ACAP1: variants seen among roughly 807,000 people sequenced by gnomAD.
ACAP1 encodes arf-GAP with coiled-coil, ANK repeat and PH domain-containing protein 1.
ACAP1 carries 45 observed loss-of-function variants against 98.8 expected under a neutral mutation model. The observed-to-expected ratio is 0.46, with a 90% CI of 0.36 to 0.58. The LOEUF (loss-of-function observed/expected upper bound fraction) is 0.58, where lower values mean the gene tolerates loss of function less well. ACAP1 is among the 20% of genes least tolerant of loss of function. The pLI is 0.00. For synonymous variants in ACAP1, 362 were observed against 375.3 expected (o/e 0.96, Z 0.41); for missense variants, 735 against 971.4 (o/e 0.76, Z 3.24).
chr17:7,341,516 A>G (rs1243845451), intron 2 of ACAP1, among the ~76,000 whole-genome samples: 1 of 152,200 alleles, frequency 6.6e-6, no homozygotes, highest in African/African-American at 2.4e-5. Flanking sequence ...GGTTGGGATT[A>G]CAGGTGTGAG....
chr17:7,351,204 A>T, intron 21 of ACAP1, 91 bp from the exon 22 acceptor site: 1 of 1,217,776 alleles, frequency 8.2e-7, no homozygotes, highest in South Asian at 1.4e-5. Flanking sequence ...CCAGGCTCGG[A>T]GCGCGAGGTC....
Position 7,346,023 on chromosome 17 carries a change from G to A in ACAP1, c.855-221G>A, listed in dbSNP as rs1376477710. ...TTTTACTGCCATCTGCTGGAAAGTT[G>A]TCTTCATAACTATATGAAATCTGGG... On this transcript the variant is annotated intron_variant, in intron 10 of 21. Transcript: ENST00000158762. 4 of 539,624 alleles carry A rather than the reference G, an allele frequency of 7.4e-6. No homozygotes were observed. In the African/African-American group the frequency reaches 7.6e-5, roughly 10 times the overall value. The allele number at this position is 539,624 out of a possible 1,614,324, so 33.4% of individuals were successfully genotyped here. A position where few individuals can be genotyped will look rare whatever the true frequency, so the allele number is the denominator to read the frequency against.
At chr17:7,346,564 C>A in intron 12 of ACAP1, 73 bp downstream of exon 12, 1 of 1,343,112 alleles carries the variant, frequency 7.4e-7, no homozygotes, top group Non-Finnish European at 1.0e-6. Context: ...GGGCCCACCA[C>A]AATGGAGGCC....
chr17:7,350,318 C>T lies in ACAP1; in HGVS notation c.2072+81C>T. The T allele has an allele frequency of 7.0e-6, 8 of 1,137,242 alleles. No individual in the cohort carries two copies. The highest frequency in any genetic ancestry group is 1.0e-5 in the Non-Finnish European group (8 of 790,930). 70.4% of individuals were successfully genotyped at this position (1,137,242 alleles called of 1,614,324 possible). ...CCCACGTTCGGGCGGGCGGGCGGGG[C>T]TGACGCCGAAACAGAAGCCTGTGCT... On this transcript the variant is annotated intron_variant, in intron 20 of 21. Coordinates refer to ENST00000158762, the MANE Select transcript of ACAP1 (RefSeq NM_014716.4). The surrounding 1 kb of genome is among the most constrained non-coding windows in gnomAD (Gnocchi z 4.6).
chr17:7,346,596 A>G, intron 12 of ACAP1, 105 bp downstream of exon 12: 1 of 1,237,608 alleles, frequency 8.1e-7, no homozygotes, highest in East Asian at 2.3e-5. Context: ...TCCAGACTTT[A>G]ATTTAATTCT....
intron 17 of ACAP1, 139 bp downstream of exon 17, chr17:7,348,614 T>A (rs2073371608): frequency 3.1e-6 from 3 of 961,054 alleles, no homozygotes; most frequent in Non-Finnish European, 4.4e-6. Context: ...TTTCAGGGGT[T>A]ACGGTGGAGT....
intron 1 of ACAP1, 46 bp downstream of exon 1, chr17:7,336,833 A>G: frequency 1.3e-6 from 2 of 1,588,254 alleles, no homozygotes; most frequent in Non-Finnish European, 1.7e-6. Context: ...AAAGTCTAAC[A>G]CCCCCAGCAC....
chr17:7,343,085 C>CA lies in ACAP1; in HGVS notation c.345-289dup, dbSNP rs1473760794. The stretch of plus-strand genomic sequence containing the variant: ...ACAGAGCAAGACCCGGTCTCAAAAA[C>CA]AAAAACAACAACAACAACAAAAATT... On this transcript the variant is annotated intron_variant, in intron 5 of 21. Transcript: ENST00000158762. The surrounding 1 kb of genome is among the most constrained non-coding windows in gnomAD (Gnocchi z 4.9). 4 of 327,198 alleles carry CA rather than the reference C, an allele frequency of 1.2e-5. No individual in the cohort carries two copies. Among genetic ancestry groups the CA allele is most frequent in the African/African-American group, 2.1e-5 (1 of 46,860 alleles). 20.3% of individuals were successfully genotyped at this position (327,198 alleles called of 1,614,324 possible).
At chr17:7,351,029 G>C in intron 21 of ACAP1, 30 bp downstream of exon 21, 1 of 1,609,398 alleles carries the variant, frequency 6.2e-7, no homozygotes, top group Non-Finnish European at 8.5e-7. Flanking sequence ...CACCCCCCAG[G>C]CCCAACACCT....
intron 2 of ACAP1, among the ~76,000 whole-genome samples, chr17:7,338,668 T>C (rs890087842): frequency 6.6e-6 from 1 of 152,004 alleles, no homozygotes; most frequent in African/African-American, 2.4e-5. Context: ...ACCTCCCCAG[T>C]AGCTGTGCTA....
Position 7,348,188 on chromosome 17 carries a change from T to C in ACAP1, c.1475T>C (p.Met492Thr), listed in dbSNP as rs769462939. 7 of 1,614,048 alleles carry C rather than the reference T, an allele frequency of 4.3e-6. No homozygotes were observed. The highest frequency in any genetic ancestry group is 3.3e-5 in the Admixed American group (2 of 60,010). Residue 492 changes from methionine (M) to threonine (T), a missense_variant, in exon 16 of 22, where the codon ATG becomes ACG. Transcript: ENST00000158762. ...NQIYEARVEA[M>T]AVKKPGPSCS... The stretch of plus-strand genomic sequence containing the variant: ...ATCTATGAGGCCCGCGTGGAGGCCA[T>C]GGCAGTGAAGAAACCAGGGCCCAGC...
intron 18 of ACAP1, chr17:7,349,375 G>A (rs2073379652): frequency 1.9e-6 from 1 of 540,172 alleles, no homozygotes. Flanking sequence ...CCTCTTACAG[G>A]AGACTTTTTT....
rs2073230340 is a variant in ACAP1 at position 7,337,316 on chromosome 17, T to G, written c.58T>G (p.Ser20Ala). The G allele has an allele frequency of 2.5e-6, 4 of 1,613,814 alleles. No homozygotes were observed. In the Admixed American group the frequency reaches 6.7e-5, roughly 27 times the overall value. The change falls in exon 2 of 22, where the codon TCT becomes GCT. Residue 20 changes from serine (S) to alanine (A), a missense_variant. Physicochemically the swap from Ser to Ala is moderately conservative, Grantham distance 99. Transcript: ENST00000158762. ...CLKDSPRFRA[S>A]IELVEAEVSE... is the part of the protein sequence containing the mutation. Reference sequence around the variant, plus strand: ...CCATGACCCCCTCTTTCCCAGAGCCTCTATTGAGCTGGTGGAAGCCGAAGT... The same window carrying G: ...CCATGACCCCCTCTTTCCCAGAGCCGCTATTGAGCTGGTGGAAGCCGAAGT...
intron 18 of ACAP1, chr17:7,349,373 A>G: frequency 1.9e-6 from 1 of 528,928 alleles, no homozygotes; most frequent in Non-Finnish European, 3.3e-6. Context: ...CACCTCTTAC[A>G]GGAGACTTTT....
At position 7,344,184 on chromosome 17, in the gene ACAP1, G is replaced by A. The variant is rs2073325893; in HGVS notation, c.744+61G>A. Reference sequence around the variant, plus strand: ...CCCAACATGTTGGGAGGCTGAGGTGGGAAGATTGCTTGAGGCCTGGAGTTC... The same window carrying A: ...CCCAACATGTTGGGAGGCTGAGGTGAGAAGATTGCTTGAGGCCTGGAGTTC... On this transcript the variant is annotated intron_variant, in intron 9 of 21. Coordinates refer to ENST00000158762, the MANE Select transcript of ACAP1 (RefSeq NM_014716.4). The surrounding 1 kb of genome is among the most constrained non-coding windows in gnomAD (Gnocchi z 4.9). The A allele has an allele frequency of 5.3e-6, 8 of 1,521,914 alleles. No homozygotes were observed. The South Asian group carries it at 9.6e-5, about 18-fold the overall frequency. 94.3% of individuals were successfully genotyped at this position (1,521,914 alleles called of 1,614,324 possible).
intron 17 of ACAP1, 134 bp downstream of exon 17, chr17:7,348,609 G>C: frequency 9.7e-7 from 1 of 1,032,238 alleles, no homozygotes; most frequent in Non-Finnish European, 1.3e-6. Context: ...TGCCGTTTCA[G>C]GGGTTACGGT....
chr17:7,341,414 G>T (rs1354581169), intron 2 of ACAP1, among the ~76,000 whole-genome samples: 1 of 152,176 alleles, frequency 6.6e-6, no homozygotes, highest in Non-Finnish European at 1.5e-5. Flanking sequence ...GCTAATTTTT[G>T]AATTTTTAGT....
chr17:7,348,815 G>A (rs971581529), intron 17 of ACAP1, 180 bp from the exon 18 acceptor site: 17 of 624,254 alleles, frequency 2.7e-5, no homozygotes, highest in Admixed American at 2.7e-4. Context: ...CTAGGGACTC[G>A]TACACATGCA....
At chr17:7,351,068 C>T in intron 21 of ACAP1, 69 bp downstream of exon 21, 1 of 1,477,182 alleles carries the variant, frequency 6.8e-7, no homozygotes, top group Non-Finnish European at 9.5e-7. Context: ...CCACGGTGAC[C>T]TCTCTCCCTA....
Sources: allele counts gnomAD v4.1 joint callset (sites outside exome capture counted in the v4.1 genomes callset), GRCh38; gene constraint gnomAD v4.1.1; non-coding constraint Gnocchi (gnomAD v3.1); transcripts MANE v1.5; gene names NCBI Gene and HGNC (gene_info 2026-07-23, HGNC 2026-07-21).